SNCB: variants seen among roughly 807,000 people sequenced by gnomAD.
The protein encoded by SNCB is synuclein beta.
SNCB carries 8 observed loss-of-function variants against 20.0 expected under a neutral mutation model. That is an observed-to-expected ratio of 0.40 (90% CI 0.24 to 0.72). The LOEUF is 0.72. Ranked by LOEUF, SNCB falls within the 30% of genes least tolerant of loss-of-function variation. The probability of loss-of-function intolerance (pLI) is 0.37; values close to 1 mark genes in which losing one functional copy is unlikely to be tolerated. For missense variants in SNCB, 125 were observed against 168.0 expected (o/e 0.74, Z 1.41); for synonymous variants, 56 against 65.4 (o/e 0.86, Z 0.69).
chr5:176,623,859 C>T (rs544386478), intron 4 of SNCB, among the ~76,000 whole-genome samples: 7 of 152,180 alleles, frequency 4.6e-5, no homozygotes, highest in Non-Finnish European at 8.8e-5. Context: ...CAAACAACCC[C>T]AGCCTGGCCA....
In SNCB at chr5:176,626,345, T is replaced by C; in HGVS notation, c.282+53A>G. ...TTTATTTGTGTGCCTGGTGTGTGTG[T>C]GTGTGTGTGTGTGTGTGTTTGCCTG... On this transcript the variant is annotated intron_variant, in intron 4 of 5. Coordinates refer to ENST00000393693, the MANE Select transcript of SNCB (RefSeq NM_003085.5). The surrounding 1 kb of genome is among the most constrained non-coding windows in gnomAD (Gnocchi z 4.2). 9.7e-7 allele frequency: 1 copy of C among 1,030,136 alleles called. No homozygotes were observed. The highest frequency in any genetic ancestry group is 1.5e-6 in the Non-Finnish European group (1 of 654,276). The allele number at this position is 1,030,136 out of a possible 1,614,324, so 63.8% of individuals were successfully genotyped here. A position where few individuals can be genotyped will look rare whatever the true frequency, so the allele number is the denominator to read the frequency against.
chr5:176,629,378 G>A lies in SNCB; in HGVS notation c.121+156C>T, dbSNP rs1432268725. On this transcript the variant is annotated intron_variant, in intron 2 of 5. Coordinates refer to ENST00000393693, the MANE Select transcript of SNCB (RefSeq NM_003085.5). This position sits in a 1 kb window ranked among gnomAD's most constrained non-coding sequence, Gnocchi z 4.1. ...TCCGGATACAGACCCAGGCTTCTAT[G>A]GGCTGGCTATGTCCCCTATGACCCC... 1.3e-6 allele frequency: 1 copy of A among 756,164 alleles called. No individual in the cohort carries two copies. Among genetic ancestry groups the A allele is most frequent in the African/African-American group, 1.8e-5 (1 of 56,822 alleles). 46.8% of individuals were successfully genotyped at this position (756,164 alleles called of 1,614,324 possible). A position where few individuals can be genotyped will look rare whatever the true frequency, so the allele number is the denominator to read the frequency against.
chr5:176,624,823 A>C (rs1419923695), intron 4 of SNCB, among the ~76,000 whole-genome samples: 3 of 151,792 alleles, frequency 2.0e-5, no homozygotes, highest in Non-Finnish European at 4.4e-5. Context: ...AAAAACAAAA[A>C]AAAACAAATG....
chr5:176,620,717 T>C lies in SNCB; in HGVS notation c.*94A>G, dbSNP rs903333414. On this transcript the variant is annotated 3_prime_UTR_variant, in exon 6 of 6. Transcript: ENST00000393693. The surrounding 1 kb of genome is among the most constrained non-coding windows in gnomAD (Gnocchi z 4.5). ...TCAGAGCGGAAGGAAGATCTCGTGA[T>C]TGGGGAGAAGGAGTCTAAGGACAGC... 9.3e-6 allele frequency: 8 copies of C among 863,144 alleles called. No individual in the cohort carries two copies. Among genetic ancestry groups the C allele is most frequent in the Middle Eastern group, 2.6e-4 (1 of 3,846 alleles). The allele number at this position is 863,144 out of a possible 1,614,324, so 53.5% of individuals were successfully genotyped here.
chr5:176,622,122 G>A (rs999439731), intron 4 of SNCB, among the ~76,000 whole-genome samples: 2 of 152,244 alleles, frequency 1.3e-5, no homozygotes, highest in African/African-American at 4.8e-5. Flanking sequence ...TGCACCCTGG[G>A]TGTCCCAGCT....
intron 4 of SNCB, among the ~76,000 whole-genome samples, chr5:176,624,808 AAAAAAAAAAC>A (rs1311796041): frequency 2.0e-5 from 3 of 151,118 alleles, no homozygotes; most frequent in Admixed American, 6.6e-5. Flanking sequence ...GTCTCAAAAA[AAAAAAAAAAC>A]AAAAAAAAAC....
At position 176,629,331 on chromosome 5, in the gene SNCB, C is replaced by T. The variant is rs978607830; in HGVS notation, c.121+203G>A. 8 of 604,936 alleles carry T rather than the reference C, an allele frequency of 1.3e-5. No individual in the cohort carries two copies. The highest frequency in any genetic ancestry group is 2.3e-5 in the Non-Finnish European group (8 of 343,304). The allele number at this position is 604,936 out of a possible 1,614,324, so 37.5% of individuals were successfully genotyped here. On this transcript the variant is annotated intron_variant, in intron 2 of 5. Coordinates refer to ENST00000393693, the MANE Select transcript of SNCB (RefSeq NM_003085.5). The surrounding 1 kb of genome is among the most constrained non-coding windows in gnomAD (Gnocchi z 4.1). ...TTTCAGCTGGAGCCCCCCACCTCAT[C>T]AGCCCGCCCCGTGTCCCCATTTCCG...
chr5:176,625,572 G>GTTTGTT (rs1363065845), intron 4 of SNCB, among the ~76,000 whole-genome samples: 2 of 152,188 alleles, frequency 1.3e-5, no homozygotes, highest in African/African-American at 4.8e-5. Flanking sequence ...CCCAGCTGAG[G>GTTTGTT]CTGGGGGTAG....
rs934910233 is a variant in SNCB, at chr5:176,626,868, C to A, written c.122-107G>T. On this transcript the variant is annotated intron_variant, in intron 2 of 5. Transcript: ENST00000393693. The surrounding 1 kb of genome is among the most constrained non-coding windows in gnomAD (Gnocchi z 4.2). ...GGGCATCCTGGCCCCGTCACTGCCTCCTTGGGTCCCCACATCCTACAACCT... is the reference window on the plus strand; with the variant it reads ...GGGCATCCTGGCCCCGTCACTGCCTACTTGGGTCCCCACATCCTACAACCT... 4.3e-5 allele frequency: 49 copies of A among 1,151,892 alleles called. No individual in the cohort carries two copies. The African/African-American group carries it at 7.1e-4, about 17-fold the overall frequency. 71.4% of individuals were successfully genotyped at this position (1,151,892 alleles called of 1,614,324 possible).
intron 4 of SNCB, among the ~76,000 whole-genome samples, chr5:176,625,573 C>CT (rs1759890091): frequency 6.6e-6 from 1 of 152,186 alleles, no homozygotes; most frequent in African/African-American, 2.4e-5. Flanking sequence ...CCAGCTGAGG[C>CT]TGGGGGTAGG....
chr5:176,620,504 G>A lies in SNCB; in HGVS notation c.*307C>T, dbSNP rs958330706. 4 of 427,760 alleles carry A rather than the reference G, an allele frequency of 9.4e-6. No individual in the cohort carries two copies. Among genetic ancestry groups the A allele is most frequent in the African/African-American group, 2.0e-5 (1 of 49,460 alleles). 26.5% of individuals were successfully genotyped at this position (427,760 alleles called of 1,614,324 possible). On this transcript the variant is annotated 3_prime_UTR_variant, in exon 6 of 6. Coordinates refer to ENST00000393693, the MANE Select transcript of SNCB (RefSeq NM_003085.5). The surrounding 1 kb of genome is among the most constrained non-coding windows in gnomAD (Gnocchi z 4.5). ...GGGATCGGGGAGGAGCCGTCGCTCG[G>A]ATCTTCGTTTAAAAACACATAGAAC...
intron 4 of SNCB, among the ~76,000 whole-genome samples, chr5:176,622,582 T>C (rs1035385831): frequency 1.3e-5 from 2 of 152,188 alleles, no homozygotes; most frequent in South Asian, 4.1e-4. Context: ...GTAGAATGGA[T>C]GTGTGCCTTG....
chr5:176,629,732 C>T lies in SNCB; in HGVS notation c.-9-69G>A. 6.4e-7 allele frequency: 1 copy of T among 1,559,522 alleles called. No individual in the cohort carries two copies. Among genetic ancestry groups the T allele is most frequent in the Non-Finnish European group, 8.7e-7 (1 of 1,149,100 alleles). ...TCTCACCCCAGCCCCTCCCGCGGGACGCAGATGCCCCCCTACTCCCGAGAC... is the reference window on the plus strand; with the variant it reads ...TCTCACCCCAGCCCCTCCCGCGGGATGCAGATGCCCCCCTACTCCCGAGAC... On this transcript the variant is annotated intron_variant, in intron 1 of 5. Transcript: ENST00000393693. The surrounding 1 kb of genome is among the most constrained non-coding windows in gnomAD (Gnocchi z 4.1).
At position 176,629,347 on chromosome 5, in the gene SNCB, C is replaced by G; in HGVS notation, c.121+187G>C. 1 of 641,574 alleles carries G rather than the reference C, an allele frequency of 1.6e-6. No individual in the cohort carries two copies. Among genetic ancestry groups the G allele is most frequent in the South Asian group, 2.0e-5 (1 of 50,442 alleles). 39.7% of individuals were successfully genotyped at this position (641,574 alleles called of 1,614,324 possible). On this transcript the variant is annotated intron_variant, in intron 2 of 5. Coordinates refer to ENST00000393693, the MANE Select transcript of SNCB (RefSeq NM_003085.5). The surrounding 1 kb of genome is among the most constrained non-coding windows in gnomAD (Gnocchi z 4.1). Reference sequence around the variant, plus strand: ...CCACCTCATCAGCCCGCCCCGTGTCCCCATTTCCGGATACAGACCCAGGCT... The same window carrying G: ...CCACCTCATCAGCCCGCCCCGTGTCGCCATTTCCGGATACAGACCCAGGCT...
Position 176,621,018 on chromosome 5 carries a change from G to A in SNCB, c.373-175C>T, listed in dbSNP as rs944390682. ...GGGGACAACAGAGAATTCTTGGGCA[G>A]GTGTGCCTGGGGCCCAGCGCTAGAC... On this transcript the variant is annotated intron_variant, in intron 5 of 5. Coordinates refer to ENST00000393693, the MANE Select transcript of SNCB (RefSeq NM_003085.5). The surrounding 1 kb of genome is among the most constrained non-coding windows in gnomAD (Gnocchi z 4.1). 3.3e-5 allele frequency among the ~76,000 whole-genome samples: 5 copies of A among 152,172 alleles called. No homozygotes were observed. The South Asian group carries it at 1.0e-3, about 32-fold the overall frequency.
chr5:176,625,940 G>A (rs528883572), intron 4 of SNCB, among the ~76,000 whole-genome samples: 6 of 152,166 alleles, frequency 3.9e-5, no homozygotes, highest in South Asian at 2.1e-4. Flanking sequence ...ACTTATCCCC[G>A]CGGAAAGCAT....
chr5:176,621,649 G>GATGC lies in SNCB; in HGVS notation c.283-347_283-346insGCAT, dbSNP rs1237088072. ...CTCTGTGCTGGGCATCGGGACCCCA[G>GATGC]AGATAACCCTCAGGCTCCCCTGGGC... On this transcript the variant is annotated intron_variant, in intron 4 of 5. Coordinates refer to ENST00000393693, the MANE Select transcript of SNCB (RefSeq NM_003085.5). The surrounding 1 kb of genome is among the most constrained non-coding windows in gnomAD (Gnocchi z 4.1). Among the ~76,000 whole-genome samples, 5 of 152,204 alleles carry GATGC rather than the reference G, an allele frequency of 3.3e-5. No individual in the cohort carries two copies. The highest frequency in any genetic ancestry group is 1.2e-4 in the African/African-American group (5 of 41,458).
rs1443838815 is a variant in SNCB at position 176,626,659 on chromosome 5, GT to G, written c.163+60del. 4.4e-6 allele frequency: 7 copies of G among 1,598,802 alleles called. No homozygotes were observed. The highest frequency in any genetic ancestry group is 6.0e-6 in the Non-Finnish European group (7 of 1,166,204). Reference sequence around the variant, plus strand: ...GAGTCTCCCCCGCCCCCGCCCTCTGGTTCCCGGCCAGATCATCCGCCTAAGT... The same window carrying G: ...GAGTCTCCCCCGCCCCCGCCCTCTGGTCCCGGCCAGATCATCCGCCTAAGT... On this transcript the variant is annotated intron_variant, in intron 3 of 5. Coordinates refer to ENST00000393693, the MANE Select transcript of SNCB (RefSeq NM_003085.5). This position sits in a 1 kb window ranked among gnomAD's most constrained non-coding sequence, Gnocchi z 4.2.
In SNCB at chr5:176,629,954, T is replaced by C; in HGVS notation, c.-9-291A>G. The stretch of plus-strand genomic sequence containing the variant: ...CGGAGTGCTGGGTTCGGCGCGAATA[T>C]CCAGGACCCGCCTGTACACGCACGG... On this transcript the variant is annotated intron_variant, in intron 1 of 5. Transcript: ENST00000393693. This position sits in a 1 kb window ranked among gnomAD's most constrained non-coding sequence, Gnocchi z 4.1. The C allele has an allele frequency of 2.7e-6, 1 of 364,268 alleles. No individual in the cohort carries two copies. The allele number at this position is 364,268 out of a possible 1,614,324, so 22.6% of individuals were successfully genotyped here. A position where few individuals can be genotyped will look rare whatever the true frequency, so the allele number is the denominator to read the frequency against.
Sources: allele counts gnomAD v4.1 joint callset (sites outside exome capture counted in the v4.1 genomes callset), GRCh38; gene constraint gnomAD v4.1.1; non-coding constraint Gnocchi (gnomAD v3.1); transcripts MANE v1.5; gene names NCBI Gene and HGNC (gene_info 2026-07-23, HGNC 2026-07-21).